The following COLQ variants were observed in gnomAD, a reference collection of about 807,000 sequenced individuals.
The protein encoded by COLQ is collagen like tail subunit of asymmetric acetylcholinesterase, also known as acetylcholinesterase collagenic tail peptide.
COLQ carries 48 observed loss-of-function variants against 69.0 expected under a neutral mutation model. That is an observed-to-expected ratio of 0.70 (90% CI 0.55 to 0.88). The LOEUF (loss-of-function observed/expected upper bound fraction) is 0.88, where lower values mean the gene tolerates loss of function less well. Ranked by LOEUF, COLQ falls within the 40% of genes least tolerant of loss-of-function variation. The pLI is 0.00. For missense variants in COLQ, 618 were observed against 594.6 expected (o/e 1.04, Z -0.41); for synonymous variants, 217 against 211.2 (o/e 1.03, Z -0.24).
At chr3:15,496,390 C>G (rs534185605) in intron 1 of COLQ, 1 of 156,060 alleles carries the variant, frequency 6.4e-6, no homozygotes, top group East Asian at 1.9e-4. Context: ...CAGCTTCCCC[C>G]TCCCTCCTCC....
At chr3:15,478,842 C>A (rs914704389) in intron 5 of COLQ, 135 bp downstream of exon 5, 3 of 1,057,306 alleles carry the variant, frequency 2.8e-6, no homozygotes, top group Non-Finnish European at 4.4e-6. Context: ...ACCATCGAGA[C>A]AGCAGCACCA....
At chr3:15,488,828 C>A (rs561940911) in intron 2 of COLQ, among the ~76,000 whole-genome samples, 6 of 152,300 alleles carry the variant, frequency 3.9e-5, no homozygotes, top group Admixed American at 3.9e-4. Flanking sequence ...CTACTTCTTT[C>A]GAAATCCAGT....
chr3:15,486,159 A>T (rs2062570246), intron 3 of COLQ, among the ~76,000 whole-genome samples: 1 of 152,076 alleles, frequency 6.6e-6, no homozygotes. Context: ...TCCAAGCCTT[A>T]GTTCTTTCTG....
chr3:15,512,014 C>T (rs2125181159), intron 1 of COLQ, among the ~76,000 whole-genome samples: 1 of 152,344 alleles, frequency 6.6e-6, no homozygotes, highest in South Asian at 2.1e-4. Flanking sequence ...GCCCCATTCC[C>T]TGTCTTCCCG....
At chr3:15,485,285 T>A (rs1310198157) in intron 3 of COLQ, among the ~76,000 whole-genome samples, 2 of 152,178 alleles carry the variant, frequency 1.3e-5, no homozygotes, top group African/African-American at 4.8e-5. Context: ...GGCACCCAGC[T>A]GTATGAGGTG....
In COLQ at chr3:15,455,882, G is replaced by T. The variant is rs2062017303; in HGVS notation, c.1195+17C>A. On this transcript the variant is annotated intron_variant, in intron 15 of 16. Transcript: ENST00000383788. ...GCTGTTCAGGCCTCAGGTCCTCCTG[G>T]TCTGGGCCTCACTCACGGATGCAGT... 6.2e-7 allele frequency: 1 copy of T among 1,614,012 alleles called. No individual in the cohort carries two copies. The highest frequency in any genetic ancestry group is 1.7e-5 in the Admixed American group (1 of 60,022).
At chr3:15,492,502 T>C (rs1310526126) in intron 1 of COLQ, among the ~76,000 whole-genome samples, 2 of 152,036 alleles carry the variant, frequency 1.3e-5, no homozygotes, top group Non-Finnish European at 2.9e-5. Context: ...CCGTCTCTAC[T>C]AAAAATACAA....
chr3:15,498,452 A>G (rs2062781087), intron 1 of COLQ: 7 of 1,503,138 alleles, frequency 4.7e-6, no homozygotes, highest in Admixed American at 4.1e-5. Context: ...CTTTTTTCCA[A>G]AACAATGCAT....
intron 3 of COLQ, among the ~76,000 whole-genome samples, chr3:15,483,924 T>G (rs905823120): frequency 5.9e-5 from 9 of 152,230 alleles, no homozygotes; most frequent in African/African-American, 1.9e-4. Context: ...ATATTTAGGA[T>G]AGTTAGCTCT....
chr3:15,489,317 T>G (rs552213375), intron 2 of COLQ, among the ~76,000 whole-genome samples: 1 of 152,202 alleles, frequency 6.6e-6, no homozygotes, highest in Non-Finnish European at 1.5e-5. Context: ...CCTCCATCAT[T>G]TATTTAAGAT....
chr3:15,462,821 G>A (rs143916606), intron 12 of COLQ, among the ~76,000 whole-genome samples: 3 of 152,336 alleles, frequency 2.0e-5, no homozygotes, highest in African/African-American at 7.2e-5. Flanking sequence ...AGAGAATTTT[G>A]TTGGATGGAC....
intron 12 of COLQ, among the ~76,000 whole-genome samples, chr3:15,464,326 C>A (rs1393925961): frequency 1.3e-5 from 2 of 152,178 alleles, no homozygotes; most frequent in Non-Finnish European, 2.9e-5. Context: ...AGAACAGCAG[C>A]CACCAGGTAT....
intron 16 of COLQ, among the ~76,000 whole-genome samples, chr3:15,452,068 A>ATTT (rs10589288): frequency 7.0e-6 from 1 of 143,028 alleles, no homozygotes; most frequent in Non-Finnish European, 1.5e-5. Context: ...GAATAACTGC[A>ATTT]TTTTTTTTTT....
chr3:15,499,018 CAA>C, intron 1 of COLQ: 8 of 1,006,730 alleles, frequency 7.9e-6, no homozygotes, highest in South Asian at 6.7e-5. Flanking sequence ...GCCTCAAAGT[CAA>C]CCCCCCACCG....
intron 1 of COLQ, among the ~76,000 whole-genome samples, chr3:15,505,879 T>C (rs1022318023): frequency 6.6e-6 from 1 of 152,222 alleles, no homozygotes; most frequent in Admixed American, 6.5e-5. Context: ...TTTAGCTCTA[T>C]AGGCACTTGT....
At chr3:15,521,477 C>G (rs769597465) in intron 1 of COLQ, 43 bp downstream of exon 1, 2 of 1,612,558 alleles carry the variant, frequency 1.2e-6, no homozygotes, top group Admixed American at 1.7e-5. Flanking sequence ...CTCCCCCTGT[C>G]CCCTGACAGA....
At chr3:15,471,049 T>G (rs1438599376) in intron 10 of COLQ, among the ~76,000 whole-genome samples, 1 of 152,222 alleles carries the variant, frequency 6.6e-6, no homozygotes, top group Non-Finnish European at 1.5e-5. Flanking sequence ...TTAGCACAAA[T>G]TCAAATCTGG....
At chr3:15,456,814 T>TTTTTTTTC (rs1300727923) in intron 13 of COLQ, among the ~76,000 whole-genome samples, 3 of 122,168 alleles carry the variant, frequency 2.5e-5, no homozygotes, top group African/African-American at 8.4e-5. Flanking sequence ...CGGATTTAAC[T>TTTTTTTTC]TTTTTTTCTT....
intron 1 of COLQ, among the ~76,000 whole-genome samples, chr3:15,508,738 C>A (rs1350040095): frequency 2.6e-5 from 4 of 152,116 alleles, no homozygotes; most frequent in African/African-American, 9.6e-5. Context: ...TGATGTTACA[C>A]CTTTTGAATT....
Sources: allele counts gnomAD v4.1 joint callset (sites outside exome capture counted in the v4.1 genomes callset), GRCh38; gene constraint gnomAD v4.1.1; transcripts MANE v1.5; gene names NCBI Gene and HGNC (gene_info 2026-07-23, HGNC 2026-07-21).